P4HA1: variants seen among roughly 807,000 people sequenced by gnomAD.
P4HA1 encodes prolyl 4-hydroxylase subunit alpha-1.
In P4HA1, 24 loss-of-function variants were observed where a neutral mutation model predicts 72.8. The ratio of observed to expected loss-of-function variants is 0.33; its 90% CI spans 0.24 to 0.46. P4HA1 has a LOEUF of 0.46. P4HA1 is among the 20% of genes least tolerant of loss of function. The pLI is 1.00. For synonymous variants in P4HA1, 201 were observed against 218.8 expected (o/e 0.92, Z 0.72); for missense variants, 446 against 640.6 (o/e 0.70, Z 3.28).
chr10:73,023,639 T>C (rs180944554), intron 10 of P4HA1, among the ~76,000 whole-genome samples: 67 of 152,124 alleles, frequency 4.4e-4, no homozygotes, highest in African/African-American at 1.3e-3. Context: ...CAAATTCACA[T>C]ATAACAATAT....
At chr10:73,037,745 A>G (rs899039391) in intron 9 of P4HA1, among the ~76,000 whole-genome samples, 6 of 150,742 alleles carry the variant, frequency 4.0e-5, no homozygotes, top group African/African-American at 1.2e-4. Flanking sequence ...TAATTATGCA[A>G]TAACACTATA....
rs1839817600 is a variant in P4HA1 at position 73,007,459 on chromosome 10, G to A, written c.*763C>T. ...ATAAGAGGCAAGGTATTAGCACTAA[G>A]AAAAACAGCAAAATTCCTGAACAAA... On this transcript the variant is annotated 3_prime_UTR_variant, in exon 15 of 15. Coordinates refer to ENST00000394890, the MANE Select transcript of P4HA1 (RefSeq NM_001017962.3). 6.6e-6 allele frequency: 1 copy of A among 150,852 alleles called. No individual in the cohort carries two copies. Among genetic ancestry groups the A allele is most frequent in the South Asian group, 2.1e-4 (1 of 4,786 alleles). The allele number at this position is 150,852 out of a possible 1,614,324, so 9.3% of individuals were successfully genotyped here. A position where few individuals can be genotyped will look rare whatever the true frequency, so the allele number is the denominator to read the frequency against.
At chr10:73,042,069 T>C (rs1840748363) in intron 9 of P4HA1, among the ~76,000 whole-genome samples, 1 of 152,086 alleles carries the variant, frequency 6.6e-6, no homozygotes, top group South Asian at 2.1e-4. Flanking sequence ...GGCTGCGGTC[T>C]TCATTTCTAA....
chr10:73,080,209 C>A (rs953196271), intron 1 of P4HA1, among the ~76,000 whole-genome samples: 63 of 152,204 alleles, frequency 4.1e-4, no homozygotes, highest in Non-Finnish European at 2.9e-5. Flanking sequence ...CTGTCACTTA[C>A]AATAGGAAGT....
chr10:73,016,645 C>T (rs909255148), intron 11 of P4HA1, among the ~76,000 whole-genome samples: 21 of 152,134 alleles, frequency 1.4e-4, no homozygotes, highest in Non-Finnish European at 2.1e-4. Flanking sequence ...GGCATGGTGG[C>T]GCATGCCTGT....
rs1371209570 is a variant in P4HA1, at chr10:73,068,893, T to A, written c.416A>T (p.Asp139Val). ...GAAKALLRLQ[D>V]TYNLDTDTIS... ...GGTATCTGTATCCAAATTGTAGGTATCCTGGAGACGTAACAGAGCTTTGGC... is the reference window on the plus strand; with the variant it reads ...GGTATCTGTATCCAAATTGTAGGTAACCTGGAGACGTAACAGAGCTTTGGC... The change falls in exon 5 of 15, where the codon GAT becomes GTT. Residue 139 changes from aspartate (D) to valine (V), a missense_variant. Coordinates refer to ENST00000394890, the MANE Select transcript of P4HA1 (RefSeq NM_001017962.3). 2 of 1,612,340 alleles carry A rather than the reference T, an allele frequency of 1.2e-6. No individual in the cohort carries two copies. Among genetic ancestry groups the A allele is most frequent in the African/African-American group, 1.3e-5 (1 of 74,886 alleles).
intron 7 of P4HA1, among the ~76,000 whole-genome samples, chr10:73,048,699 C>T (rs1840933780): frequency 6.6e-6 from 1 of 152,108 alleles, no homozygotes. Context: ...AAAATTTCTG[C>T]TTACTGCGGA....
intron 10 of P4HA1, among the ~76,000 whole-genome samples, chr10:73,027,525 C>A (rs1840306907): frequency 6.7e-6 from 1 of 148,660 alleles, no homozygotes; most frequent in African/African-American, 2.5e-5. Context: ...TGCAGCAAAC[C>A]AACATGGCAC....
chr10:73,008,205 A>G lies in P4HA1; in HGVS notation c.*17T>C. 6.4e-7 allele frequency: 1 copy of G among 1,561,170 alleles called. No individual in the cohort carries two copies. The highest frequency in any genetic ancestry group is 8.8e-7 in the Non-Finnish European group (1 of 1,132,750). On this transcript the variant is annotated 3_prime_UTR_variant, in exon 15 of 15. Coordinates refer to ENST00000394890, the MANE Select transcript of P4HA1 (RefSeq NM_001017962.3). ...ACATAAGAGTACAACAATAGGAGAAAAAGGGAAGCCTGTTTGTCATTCCAA... is the reference window on the plus strand; with the variant it reads ...ACATAAGAGTACAACAATAGGAGAAGAAGGGAAGCCTGTTTGTCATTCCAA...
chr10:73,016,804 T>C (rs1361923180), intron 11 of P4HA1, 42 bp downstream of exon 11: 4 of 1,405,600 alleles, frequency 2.8e-6, no homozygotes, highest in Non-Finnish European at 4.0e-6. Context: ...AACAATGTAA[T>C]GCATAAGCCT....
At chr10:73,063,428 G>T (rs1841354735) in intron 5 of P4HA1, among the ~76,000 whole-genome samples, 1 of 152,192 alleles carries the variant, frequency 6.6e-6, no homozygotes, top group Non-Finnish European at 1.5e-5. Flanking sequence ...CATCACACTG[G>T]CCATGAAGTT....
intron 1 of P4HA1, among the ~76,000 whole-genome samples, chr10:73,081,098 G>C (rs1424817664): frequency 6.6e-6 from 1 of 152,126 alleles, no homozygotes; most frequent in South Asian, 2.1e-4. Context: ...AATGCCTCCT[G>C]TTCTAAATAT....
In P4HA1 at chr10:73,083,334, A is replaced by C. The variant is rs192457918; in HGVS notation, c.-32-8419T>G. 6.3e-3 allele frequency among the ~76,000 whole-genome samples: 959 copies of C among 152,324 alleles called. 5 individuals are homozygous for C. Among genetic ancestry groups the C allele is most frequent in the Non-Finnish European group, 9.0e-3 (609 of 68,028 alleles). On this transcript the variant is annotated intron_variant, in intron 1 of 14. Transcript: ENST00000394890. ...CAACTTTTCTATCACAAATTCAGAA[A>C]TCACGCTAGCTTCTTTCCCTCACTT...
chr10:73,020,835 A>C (rs1002729687), intron 10 of P4HA1, among the ~76,000 whole-genome samples: 1 of 152,310 alleles, frequency 6.6e-6, no homozygotes, highest in Admixed American at 6.5e-5. Context: ...AAAAGCTTTC[A>C]AAAAAATTCA....
intron 3 of P4HA1, among the ~76,000 whole-genome samples, chr10:73,072,860 T>C (rs1219209304): frequency 6.6e-6 from 1 of 152,094 alleles, no homozygotes; most frequent in Non-Finnish European, 1.5e-5. Flanking sequence ...TAGAAGATAT[T>C]AGCAATACTT....
intron 9 of P4HA1, among the ~76,000 whole-genome samples, chr10:73,036,842 C>T (rs1840586393): frequency 2.0e-5 from 3 of 152,112 alleles, no homozygotes; most frequent in Admixed American, 1.3e-4. Flanking sequence ...TCTGAATTTA[C>T]ATTGTAACAT....
At chr10:73,076,966 C>A (rs1554842671) in intron 1 of P4HA1, among the ~76,000 whole-genome samples, 1 of 152,212 alleles carries the variant, frequency 6.6e-6, no homozygotes, top group Non-Finnish European at 1.5e-5. Flanking sequence ...CAGATCACCA[C>A]AAAAACTGGA....
chr10:73,045,110 CCCAA>C (rs1840823618), intron 8 of P4HA1, 59 bp from the exon 9 acceptor site: 2 of 1,372,366 alleles, frequency 1.5e-6, no homozygotes, highest in Non-Finnish European at 2.1e-6. Flanking sequence ...ATCACATTTA[CCCAA>C]CCAGTCAGAA....
At chr10:73,027,523 A>G (rs1840306840) in intron 10 of P4HA1, among the ~76,000 whole-genome samples, 1 of 150,708 alleles carries the variant, frequency 6.6e-6, no homozygotes, top group Non-Finnish European at 1.5e-5. Context: ...GGTGCAGCAA[A>G]CCAACATGGC....
Sources: gnomAD v4.1 joint callset for allele counts (sites outside exome capture counted in the v4.1 genomes callset) on GRCh38, gnomAD v4.1.1 for gene constraint, MANE v1.5 for transcripts, NCBI Gene and HGNC (gene_info 2026-07-23, HGNC 2026-07-21) for gene names.